Variants in ARHGAP42 observed in about 807,000 individuals in gnomAD.
ARHGAP42 encodes Rho GTPase activating protein 42.
Under a neutral mutation model 125.0 loss-of-function variants are expected in ARHGAP42, and 63 were observed. The ratio of observed to expected loss-of-function variants is 0.50; its 90% CI spans 0.41 to 0.62. ARHGAP42 has a LOEUF of 0.62. ARHGAP42 is among the 20% of genes least tolerant of loss of function. The pLI is 0.00. For missense variants in ARHGAP42, 766 were observed against 1,024.2 expected (o/e 0.75, Z 3.44); for synonymous variants, 339 against 351.0 (o/e 0.97, Z 0.38).
At chr11:100,912,265 T>A (rs1401765641) in intron 4 of ARHGAP42, among the ~76,000 whole-genome samples, 3 of 152,172 alleles carry the variant, frequency 2.0e-5, no homozygotes, top group African/African-American at 7.2e-5. Flanking sequence ...AATACTTCCC[T>A]CTCTCCTTCT....
intron 1 of ARHGAP42, among the ~76,000 whole-genome samples, chr11:100,732,584 G>A (rs912662058): frequency 5.9e-5 from 9 of 152,158 alleles, no homozygotes; most frequent in African/African-American, 1.9e-4. Flanking sequence ...TGACTTCTCG[G>A]GTGGAGCCTT....
At chr11:100,921,651 G>A (rs1867272647) in intron 6 of ARHGAP42, 47 bp downstream of exon 6, 6 of 1,152,898 alleles carry the variant, frequency 5.2e-6, no homozygotes, top group South Asian at 3.1e-5. Flanking sequence ...AACAATCTAT[G>A]GAAAAAAAGT....
Position 100,980,064 on chromosome 11 carries a change from C to T in ARHGAP42, c.2456+1015C>T, listed in dbSNP as rs560708014. On this transcript the variant is annotated intron_variant, in intron 22 of 23. Coordinates refer to ENST00000298815, the MANE Select transcript of ARHGAP42 (RefSeq NM_152432.4). Reference sequence around the variant, plus strand: ...CCTTCAAACTCTCTTTGGTTTTGTTCAAAGCCCAGTAAGGGCCCTCATGTA... The same window carrying T: ...CCTTCAAACTCTCTTTGGTTTTGTTTAAAGCCCAGTAAGGGCCCTCATGTA... Among the ~76,000 whole-genome samples, 29 of 152,162 alleles carry T rather than the reference C, an allele frequency of 1.9e-4. No individual in the cohort carries two copies. The South Asian group carries it at 5.8e-3, about 31-fold the overall frequency.
intron 3 of ARHGAP42, among the ~76,000 whole-genome samples, chr11:100,826,791 C>A (rs1864524417): frequency 6.6e-6 from 1 of 152,096 alleles, no homozygotes; most frequent in Admixed American, 6.5e-5. Flanking sequence ...GTATGTAATT[C>A]TTTCTGCTGC....
At chr11:100,729,168 C>G (rs1861914135) in intron 1 of ARHGAP42, among the ~76,000 whole-genome samples, 1 of 152,072 alleles carries the variant, frequency 6.6e-6, no homozygotes, top group African/African-American at 2.4e-5. Context: ...TTAGGCTACT[C>G]TTAACAAAAT....
chr11:100,832,299 G>A (rs1305932540), intron 3 of ARHGAP42, among the ~76,000 whole-genome samples: 2 of 152,208 alleles, frequency 1.3e-5, no homozygotes, highest in Admixed American at 6.5e-5. Context: ...AGCAAGCCAC[G>A]GGATGTAGCT....
intron 3 of ARHGAP42, among the ~76,000 whole-genome samples, chr11:100,827,237 A>G (rs1864540718): frequency 6.6e-6 from 1 of 152,070 alleles, no homozygotes; most frequent in Non-Finnish European, 1.5e-5. Flanking sequence ...TCCTGACCTC[A>G]AGTGATTCAC....
intron 3 of ARHGAP42, chr11:100,839,540 T>C (rs1591226638): frequency 6.6e-6 from 1 of 152,210 alleles, no homozygotes; most frequent in African/African-American, 2.4e-5. Flanking sequence ...AAAAGCACCA[T>C]TGCCCAAGGG....
intron 1 of ARHGAP42, among the ~76,000 whole-genome samples, chr11:100,767,446 T>C (rs547661870): frequency 6.6e-6 from 1 of 152,294 alleles, no homozygotes; most frequent in African/African-American, 2.4e-5. Context: ...ACTGTGTTCT[T>C]GTTTGGGGAT....
chr11:100,731,428 C>G (rs113343922), intron 1 of ARHGAP42, among the ~76,000 whole-genome samples: 1 of 152,090 alleles, frequency 6.6e-6, no homozygotes, highest in East Asian at 1.9e-4. Flanking sequence ...GGATTACAGG[C>G]GTGAGCCACT....
intron 3 of ARHGAP42, among the ~76,000 whole-genome samples, chr11:100,832,254 C>T (rs1289537344): frequency 1.3e-5 from 2 of 152,178 alleles, no homozygotes; most frequent in Non-Finnish European, 2.9e-5. Context: ...CAGAACTGAA[C>T]GAGGATGGGC....
In ARHGAP42 at chr11:100,779,560, A is replaced by ATATATACGTATATACATACATATACATG. The variant is rs1565210749; in HGVS notation, c.250+9122_250+9123insTATATACGTATATACATACATATACATG. Among the ~76,000 whole-genome samples, 4 of 129,666 alleles carry ATATATACGTATATACATACATATACATG rather than the reference A, an allele frequency of 3.1e-5. No individual in the cohort carries two copies. The South Asian group carries it at 7.7e-4, about 25-fold the overall frequency. 85.1% of individuals were successfully genotyped at this position (129,666 alleles called of 152,430 possible). Reference sequence around the variant, plus strand: ...TATACGTATATATATACATATACATACGTATATATACGTATATATACATAT... The same window carrying ATATATACGTATATACATACATATACATG: ...TATACGTATATATATACATATACATATATATACGTATATACATACATATACATGCGTATATATACGTATATATACATAT... On this transcript the variant is annotated intron_variant, in intron 2 of 23. Coordinates refer to ENST00000298815, the MANE Select transcript of ARHGAP42 (RefSeq NM_152432.4).
intron 4 of ARHGAP42, chr11:100,859,890 G>T (rs972829065): frequency 7.5e-6 from 2 of 265,218 alleles, no homozygotes; most frequent in Admixed American, 5.3e-5. Flanking sequence ...TTGAAGACAC[G>T]GTGAAATTAT....
At chr11:100,735,426 A>G (rs963692286) in intron 1 of ARHGAP42, among the ~76,000 whole-genome samples, 2 of 152,112 alleles carry the variant, frequency 1.3e-5, no homozygotes, top group Non-Finnish European at 1.5e-5. Context: ...CTGTTTCTTT[A>G]CATGATTTCT....
chr11:100,921,464 C>T (rs1867265833), intron 5 of ARHGAP42, 30 bp from the exon 6 acceptor site: 2 of 1,439,352 alleles, frequency 1.4e-6, no homozygotes, highest in South Asian at 1.3e-5. Context: ...GTAGAACCAT[C>T]AGTAATCACC....
chr11:100,964,623 G>A (rs1370400117), intron 16 of ARHGAP42, among the ~76,000 whole-genome samples: 1 of 152,188 alleles, frequency 6.6e-6, no homozygotes, highest in East Asian at 1.9e-4. Context: ...ATTTGCTGCA[G>A]TAAGAGAATG....
chr11:100,922,462 G>T (rs566953034), intron 6 of ARHGAP42, among the ~76,000 whole-genome samples: 4 of 152,010 alleles, frequency 2.6e-5, no homozygotes, highest in African/African-American at 9.7e-5. Flanking sequence ...ATGAATAAAG[G>T]TTTGCTCTAG....
chr11:100,978,027 A>T (rs1287520543), intron 21 of ARHGAP42, among the ~76,000 whole-genome samples: 1 of 152,188 alleles, frequency 6.6e-6, no homozygotes, highest in African/African-American at 2.4e-5. Flanking sequence ...AAATCCAGTT[A>T]CAGTGGTATA....
intron 1 of ARHGAP42, among the ~76,000 whole-genome samples, chr11:100,734,579 C>T (rs1862027109): frequency 6.6e-6 from 1 of 152,200 alleles, no homozygotes; most frequent in Admixed American, 6.5e-5. Flanking sequence ...CCACGCCCAA[C>T]CAGAGTCCAC....
Sources: gnomAD v4.1 joint callset for allele counts (sites outside exome capture counted in the v4.1 genomes callset) on GRCh38, gnomAD v4.1.1 for gene constraint, MANE v1.5 for transcripts, NCBI Gene and HGNC (gene_info 2026-07-23, HGNC 2026-07-21) for gene names.